Variants in LRP1B observed in about 807,000 individuals in gnomAD.
LRP1B encodes the protein low-density lipoprotein receptor-related protein 1B.
LRP1B carries 217 observed loss-of-function variants against 556.6 expected under a neutral mutation model. The observed-to-expected ratio is 0.39, with a 90% confidence interval of 0.35 to 0.44. The LOEUF (loss-of-function observed/expected upper bound fraction) is 0.44. LRP1B is among the 20% of genes least tolerant of loss of function. The probability of loss-of-function intolerance (pLI) is 1.00; values close to 1 mark genes in which losing one functional copy is unlikely to be tolerated. For missense variants in LRP1B, 5,053 were observed against 5,620.8 expected (o/e 0.90, Z 3.23); for synonymous variants, 2,047 against 1,865.8 (o/e 1.10, Z -2.50).
chr2:141,464,581 T>G (rs1682089367), intron 3 of LRP1B, among the ~76,000 whole-genome samples: 1 of 81,768 alleles, frequency 1.2e-5, no homozygotes, highest in Non-Finnish European at 2.5e-5. Flanking sequence ...CCTGGCTAAT[T>G]TTGTATATAT....
At chr2:141,320,362 A>G (rs1281365756) in intron 3 of LRP1B, among the ~76,000 whole-genome samples, 1 of 152,086 alleles carries the variant, frequency 6.6e-6, no homozygotes, top group African/African-American at 2.4e-5. Context: ...TACGATTACA[A>G]AAATTCCTGT....
intron 41 of LRP1B, among the ~76,000 whole-genome samples, chr2:140,662,863 T>A (rs1264957007): frequency 6.6e-6 from 1 of 152,110 alleles, no homozygotes; most frequent in Non-Finnish European, 1.5e-5. Flanking sequence ...CCAATGGTAA[T>A]CATTTTAGTG....
At chr2:141,564,359 A>C (rs1217623576) in intron 2 of LRP1B, among the ~76,000 whole-genome samples, 2 of 152,140 alleles carry the variant, frequency 1.3e-5, no homozygotes, top group African/African-American at 4.8e-5. Flanking sequence ...ATCTGTGAAA[A>C]TAGCAAAGCA....
intron 7 of LRP1B, among the ~76,000 whole-genome samples, chr2:141,147,115 C>A (rs181929037): frequency 1.3e-5 from 2 of 152,166 alleles, no homozygotes; most frequent in Admixed American, 6.6e-5. Flanking sequence ...TTTTCTGGAA[C>A]ATGCTGCATT....
intron 82 of LRP1B, among the ~76,000 whole-genome samples, chr2:140,320,963 G>A (rs1418349777): frequency 1.3e-5 from 2 of 152,090 alleles, no homozygotes; most frequent in African/African-American, 4.8e-5. Context: ...GGCTGAGGCA[G>A]GAGAATTGCT....
intron 66 of LRP1B, among the ~76,000 whole-genome samples, chr2:140,419,737 G>A (rs1162865870): frequency 1.3e-5 from 2 of 152,150 alleles, no homozygotes; most frequent in East Asian, 1.9e-4. Context: ...GCCAGGCATG[G>A]TGGCTCATTC....
chr2:141,292,071 T>C (rs1685992509), intron 3 of LRP1B, among the ~76,000 whole-genome samples: 1 of 152,190 alleles, frequency 6.6e-6, no homozygotes, highest in African/African-American at 2.4e-5. Flanking sequence ...GTAGCATTAC[T>C]GTCTGAGCTC....
rs1163213986 is a variant in LRP1B, at chr2:141,467,852, A to AGGGGGT, written c.343+12543_343+12544insACCCCC. On this transcript the variant is annotated intron_variant, in intron 3 of 90. Coordinates refer to ENST00000389484, the MANE Select transcript of LRP1B (RefSeq NM_018557.3). ...TTGTTTGCGGACCGGGGGGGGGGGA[A>AGGGGGT]TTCCAGCATACAGTGTAGCACATAC... 8.3e-5 allele frequency among the ~76,000 whole-genome samples: 11 copies of AGGGGGT among 133,332 alleles called. No homozygotes were observed. The South Asian group carries it at 1.3e-3, about 16-fold the overall frequency. The allele number at this position is 133,332 out of a possible 152,430, so 87.5% of individuals were successfully genotyped here.
At chr2:141,350,275 G>T (rs1405306476) in intron 3 of LRP1B, among the ~76,000 whole-genome samples, 1 of 151,918 alleles carries the variant, frequency 6.6e-6, no homozygotes, top group Admixed American at 6.6e-5. Flanking sequence ...TTTCAATGGG[G>T]CAAATGTACA....
intron 1 of LRP1B, among the ~76,000 whole-genome samples, chr2:142,092,318 T>TA (rs924182926): frequency 1.6e-5 from 2 of 127,562 alleles, no homozygotes; most frequent in African/African-American, 2.9e-5. Flanking sequence ...GCCTACATTT[T>TA]AAAAAAATTG....
chr2:142,044,227 A>G (rs1574626919), intron 1 of LRP1B, among the ~76,000 whole-genome samples: 1 of 151,786 alleles, frequency 6.6e-6, no homozygotes, highest in Admixed American at 6.6e-5. Flanking sequence ...CATTAAAGGA[A>G]AAAGGAATTA....
At chr2:142,108,872 A>C (rs2104984694) in intron 1 of LRP1B, among the ~76,000 whole-genome samples, 1 of 152,294 alleles carries the variant, frequency 6.6e-6, no homozygotes, top group South Asian at 2.1e-4. Flanking sequence ...TGCTCCACAC[A>C]CCTGAGACCT....
chr2:141,163,936 T>C (rs1348971666), intron 7 of LRP1B, among the ~76,000 whole-genome samples: 1 of 152,122 alleles, frequency 6.6e-6, no homozygotes, highest in African/African-American at 2.4e-5. Context: ...ATATATTCTT[T>C]AAGACCTTCA....
Position 140,455,357 on chromosome 2 carries a change from G to A in LRP1B, c.9963+1098C>T, listed in dbSNP as rs753227716. On this transcript the variant is annotated intron_variant, in intron 62 of 90. Coordinates refer to ENST00000389484, the MANE Select transcript of LRP1B (RefSeq NM_018557.3). The stretch of plus-strand genomic sequence containing the variant: ...TACATAACTTTTTAATGTAAATTTC[G>A]GCTGCAGTATAGGGCAAGAGTAATA... Among the ~76,000 whole-genome samples the A allele has an allele frequency of 7.2e-5, 11 of 152,038 alleles. No homozygotes were observed. The East Asian group carries it at 7.7e-4, about 11-fold the overall frequency.
intron 1 of LRP1B, among the ~76,000 whole-genome samples, chr2:141,955,790 GC>G (rs1306038274): frequency 6.6e-6 from 1 of 152,028 alleles, no homozygotes; most frequent in Admixed American, 6.6e-5. Context: ...GCCTGTCTCT[GC>G]ATTTTCCAGT....
intron 3 of LRP1B, among the ~76,000 whole-genome samples, chr2:141,361,625 C>G (rs868792044): frequency 6.6e-6 from 1 of 152,108 alleles, no homozygotes; most frequent in African/African-American, 2.4e-5. Context: ...TTTATAATTT[C>G]TTTTAACTGA....
chr2:141,611,376 G>A (rs1297666266), intron 2 of LRP1B, among the ~76,000 whole-genome samples: 1 of 152,148 alleles, frequency 6.6e-6, no homozygotes, highest in Non-Finnish European at 1.5e-5. Context: ...GGAGAAAAAT[G>A]ATGCTTTTGA....
intron 3 of LRP1B, among the ~76,000 whole-genome samples, chr2:141,256,437 C>T (rs953518176): frequency 6.6e-6 from 1 of 151,604 alleles, no homozygotes; most frequent in African/African-American, 2.4e-5. Context: ...AATTAATTCA[C>T]GGATTAAGTA....
intron 7 of LRP1B, among the ~76,000 whole-genome samples, chr2:141,077,930 T>C (rs1432027149): frequency 6.6e-6 from 1 of 152,034 alleles, no homozygotes; most frequent in Non-Finnish European, 1.5e-5. Context: ...AAAACTCCAA[T>C]CTGAGTCTAT....
Sources: allele counts gnomAD v4.1 joint callset (sites outside exome capture counted in the v4.1 genomes callset), GRCh38; gene constraint gnomAD v4.1.1; transcripts MANE v1.5; gene names NCBI Gene and HGNC (gene_info 2026-07-23, HGNC 2026-07-21).